Variants in MCM9 observed in about 807,000 individuals in gnomAD.
MCM9 encodes DNA helicase MCM9.
In MCM9, 55 loss-of-function variants were observed where a neutral mutation model predicts 72.8. The observed-to-expected ratio is 0.76, with a 90% CI of 0.61 to 0.95. The LOEUF (loss-of-function observed/expected upper bound fraction) is 0.95, where lower values mean the gene tolerates loss of function less well. Ranked by LOEUF, MCM9 falls within the 40% of genes least tolerant of loss-of-function variation. MCM9 has a pLI of 0.00. For synonymous variants in MCM9, 480 were observed against 503.4 expected, an observed-to-expected ratio of 0.95 and a Z score of 0.62; for missense variants, 1,279 against 1,377.0, an observed-to-expected ratio of 0.93 and a Z score of 1.13.
intron 8 of MCM9, chr6:118,908,375 T>C (rs950415002): frequency 1.3e-5 from 2 of 152,262 alleles, no homozygotes; most frequent in African/African-American, 4.8e-5. Flanking sequence ...ACAAACTCCC[T>C]GTGTTTAAGA....
At chr6:118,869,890 T>C (rs932272461) in intron 8 of MCM9, among the ~76,000 whole-genome samples, 58 of 152,002 alleles carry the variant, frequency 3.8e-4, no homozygotes, top group Non-Finnish European at 7.5e-4. Flanking sequence ...GGAAAAAAAC[T>C]GCAAAAAGAG....
chr6:118,894,934 G>A (rs1317557285), intron 8 of MCM9, among the ~76,000 whole-genome samples: 1 of 152,288 alleles, frequency 6.6e-6, no homozygotes, highest in Middle Eastern at 3.4e-3. Flanking sequence ...GGTCGCGCCG[G>A]CGAGTTCGGA....
intron 9 of MCM9, among the ~76,000 whole-genome samples, chr6:118,847,683 T>C (rs1775967923): frequency 6.6e-6 from 1 of 151,706 alleles, no homozygotes; most frequent in Admixed American, 6.6e-5. Context: ...CAAACAATCA[T>C]TCAATAAAAA....
In MCM9 at chr6:118,913,322, T is replaced by C; in HGVS notation, c.1003A>G (p.Thr335Ala). ...AMVLAGGIQR[T>A]DATGTRVRGE... ...CTGACCCGTGTTCCTGTAGCATCAG[T>C]CCTTTGAATCCCACCAGCCAGCACC... Residue 335 changes from threonine (T) to alanine (A), a missense_variant, in exon 7 of 14, where the codon ACT (threonine) becomes GCT (alanine). By Grantham distance (58) the Thr-to-Ala change is moderately conservative. Coordinates refer to ENST00000619706, the MANE Select transcript of MCM9 (RefSeq NM_017696.3). The C allele has an allele frequency of 6.2e-7, 1 of 1,614,082 alleles. No individual in the cohort carries two copies. Among genetic ancestry groups the C allele is most frequent in the Non-Finnish European group, 8.5e-7 (1 of 1,179,998 alleles).
intron 9 of MCM9, among the ~76,000 whole-genome samples, chr6:118,830,720 T>C (rs542622053): frequency 6.6e-5 from 10 of 152,346 alleles, no homozygotes; most frequent in African/African-American, 2.2e-4. Flanking sequence ...TATAAAATTA[T>C]TTTTAATGCT....
chr6:118,885,567 A>C (rs1562423132), intron 8 of MCM9, among the ~76,000 whole-genome samples: 1 of 152,218 alleles, frequency 6.6e-6, no homozygotes, highest in Non-Finnish European at 1.5e-5. Flanking sequence ...TAAGTAACTT[A>C]GATGAAACTG....
chr6:118,864,007 T>TA (rs538132338), intron 8 of MCM9, among the ~76,000 whole-genome samples: 6,997 of 143,838 alleles, frequency 0.049, 425 homozygotes, highest in African/African-American at 0.15. Context: ...AGAATTGATT[T>TA]AAAAAAAAAA....
chr6:118,815,298 T>TG lies in MCM9; in HGVS notation c.2957dup (p.Gln987ThrfsTer3). ...GCGACACCTCCTTTGTCTCACCCTG[T>TG]GGCTGACTGGAGATCTGGTTTCCTG... On this transcript the variant is annotated frameshift_variant, in exon 14 of 14. Coordinates refer to ENST00000619706, the MANE Select transcript of MCM9 (RefSeq NM_017696.3). LOFTEE classifies it low-confidence loss of function (END_TRUNC). The TG allele has an allele frequency of 6.4e-7, 1 of 1,550,718 alleles. No homozygotes were observed. The highest frequency in any genetic ancestry group is 1.2e-5 in the South Asian group (1 of 84,046).
Position 118,815,392 on chromosome 6 carries a change from ATT to A in MCM9, c.2862_2863del (p.Lys954AsnfsTer5), listed in dbSNP as rs1194225060. 6 of 1,550,202 alleles carry A rather than the reference ATT, an allele frequency of 3.9e-6. No homozygotes were observed. The highest frequency in any genetic ancestry group is 3.9e-5 in the Admixed American group (2 of 50,944). On this transcript the variant is annotated frameshift_variant, in exon 14 of 14. Coordinates refer to ENST00000619706, the MANE Select transcript of MCM9 (RefSeq NM_017696.3). LOFTEE classifies it low-confidence loss of function (END_TRUNC). Reference sequence around the variant, plus strand: ...GTCTCTTCTTGTTCTACGCTGGGAAATTTTAGGACTATGAACTGCTATTTTAG... The same window carrying A: ...GTCTCTTCTTGTTCTACGCTGGGAAATTAGGACTATGAACTGCTATTTTAG...
intron 8 of MCM9, among the ~76,000 whole-genome samples, chr6:118,898,369 T>TA (rs1779577846): frequency 1.3e-5 from 2 of 152,156 alleles, no homozygotes; most frequent in African/African-American, 4.8e-5. Context: ...AAGGGCATTA[T>TA]ATGTAGTGAT....
chr6:118,884,286 C>G (rs1778464698), intron 8 of MCM9, among the ~76,000 whole-genome samples: 3 of 151,852 alleles, frequency 2.0e-5, no homozygotes, highest in Admixed American at 6.6e-5. Flanking sequence ...ATATGTGTAA[C>G]AATTACAGCA....
chr6:118,933,431 G>A (rs1013117528), intron 1 of MCM9, among the ~76,000 whole-genome samples: 1 of 151,778 alleles, frequency 6.6e-6, no homozygotes, highest in Non-Finnish European at 1.5e-5. Flanking sequence ...GCGTGAACCC[G>A]GGAGGCGGAG....
At chr6:118,911,481 T>C in intron 8 of MCM9, 169 bp downstream of exon 8, 1 of 1,319,910 alleles carries the variant, frequency 7.6e-7, no homozygotes, top group Non-Finnish European at 9.6e-7. Context: ...GCTTGCAAGA[T>C]ATTTTCTTAG....
intron 8 of MCM9, among the ~76,000 whole-genome samples, chr6:118,891,166 G>C (rs1778918230): frequency 6.6e-6 from 1 of 152,126 alleles, no homozygotes. Context: ...TGTGTCTTCA[G>C]AATTCAAGCT....
intron 8 of MCM9, among the ~76,000 whole-genome samples, chr6:118,874,157 A>T (rs977505194): frequency 2.0e-5 from 3 of 152,170 alleles, no homozygotes; most frequent in African/African-American, 7.2e-5. Context: ...CAGGAGGCTG[A>T]GGTGGGAGGA....
At chr6:118,877,157 TAC>T (rs1362485226) in intron 8 of MCM9, among the ~76,000 whole-genome samples, 1 of 152,198 alleles carries the variant, frequency 6.6e-6, no homozygotes, top group African/African-American at 2.4e-5. Flanking sequence ...GCACCCAACC[TAC>T]AGTCAGCACC....
intron 8 of MCM9, among the ~76,000 whole-genome samples, chr6:118,877,349 A>T (rs879766361): frequency 1.3e-5 from 2 of 152,260 alleles, no homozygotes; most frequent in Non-Finnish European, 2.9e-5. Context: ...AGCCAAGACC[A>T]CTAAGAGAAA....
intron 8 of MCM9, among the ~76,000 whole-genome samples, chr6:118,901,822 A>G (rs1779813928): frequency 6.6e-6 from 1 of 152,226 alleles, no homozygotes; most frequent in African/African-American, 2.4e-5. Context: ...ATCCAGAAAG[A>G]AAATCTAACT....
chr6:118,917,277 T>C (rs1180208688), intron 6 of MCM9, among the ~76,000 whole-genome samples: 1 of 152,170 alleles, frequency 6.6e-6, no homozygotes, highest in Non-Finnish European at 1.5e-5. Context: ...AAGAACTATA[T>C]TTTTAATTGA....
Sources: allele counts gnomAD v4.1 joint callset (sites outside exome capture counted in the v4.1 genomes callset), GRCh38; gene constraint gnomAD v4.1.1; transcripts MANE v1.5; gene names NCBI Gene and HGNC (gene_info 2026-07-23, HGNC 2026-07-21).